Variants in ANKRD30B observed in about 807,000 individuals in gnomAD.
ANKRD30B encodes ankyrin repeat domain 30B, also known as ankyrin repeat domain-containing protein 30B.
In ANKRD30B, 144 loss-of-function variants were observed where a neutral mutation model predicts 202.2. The ratio of observed to expected loss-of-function variants is 0.71; its 90% CI spans 0.62 to 0.82. The LOEUF is 0.82. Among genes scored for constraint, ANKRD30B ranks in the 40% least tolerant of loss-of-function variants. ANKRD30B has a pLI of 0.00. For synonymous variants in ANKRD30B, 508 were observed against 561.3 expected (o/e 0.91, Z 1.34); for missense variants, 1,487 against 1,669.1 (o/e 0.89, Z 1.90).
intron 24 of ANKRD30B, among the ~76,000 whole-genome samples, chr18:14,806,036 C>T (rs1439516875): frequency 2.0e-5 from 3 of 149,948 alleles, no homozygotes; most frequent in African/African-American, 5.0e-5. Flanking sequence ...CTGGCTAACA[C>T]GGTGAAACCC....
the ANKRD30B span, among the ~76,000 whole-genome samples, chr18:14,936,329 G>A: frequency 6.6e-6 from 1 of 152,100 alleles, no homozygotes; most frequent in Non-Finnish European, 1.5e-5. Flanking sequence ...GCTGCCAAAG[G>A]TACATCTAAC....
intron 30 of ANKRD30B, among the ~76,000 whole-genome samples, chr18:14,820,543 A>G (rs892700125): frequency 7.2e-5 from 11 of 152,130 alleles, no homozygotes; most frequent in Non-Finnish European, 1.5e-4. Flanking sequence ...TCCCATCAAT[A>G]CCTAATTTAT....
intron 16 of ANKRD30B, among the ~76,000 whole-genome samples, chr18:14,793,096 G>C (rs1362068937): frequency 2.6e-5 from 4 of 152,128 alleles, no homozygotes; most frequent in Non-Finnish European, 4.4e-5. Context: ...TCCTCCATGA[G>C]TTGATCAAGA....
At chr18:14,911,392 A>T in the ANKRD30B span, among the ~76,000 whole-genome samples, 1 of 152,050 alleles carries the variant, frequency 6.6e-6, no homozygotes, top group Admixed American at 6.6e-5. Context: ...TCTTTTCTCC[A>T]GTGTATATGT....
intron 7 of ANKRD30B, among the ~76,000 whole-genome samples, chr18:14,768,844 G>A (rs1399132441): frequency 6.6e-6 from 1 of 152,122 alleles, no homozygotes; most frequent in Non-Finnish European, 1.5e-5. Context: ...ACAATTTTCT[G>A]TCCGTCTTAC....
chr18:14,820,306 A>T (rs1475314146), intron 30 of ANKRD30B, among the ~76,000 whole-genome samples: 4 of 152,204 alleles, frequency 2.6e-5, no homozygotes, highest in African/African-American at 9.6e-5. Flanking sequence ...TGTCGTTTGC[A>T]AAGAGGGACA....
At chr18:14,790,176 A>T (rs1968372927) in intron 15 of ANKRD30B, among the ~76,000 whole-genome samples, 1 of 152,098 alleles carries the variant, frequency 6.6e-6, no homozygotes, top group African/African-American at 2.4e-5. Context: ...TTCACTCATG[A>T]TTTGGCTCTC....
chr18:14,782,333 C>T (rs201892246), intron 11 of ANKRD30B, among the ~76,000 whole-genome samples, 194 bp from the exon 12 acceptor site: 2 of 110,132 alleles, frequency 1.8e-5, no homozygotes, highest in African/African-American at 3.3e-5. Context: ...TGCATGAAGA[C>T]AACAGATAAG....
the ANKRD30B span, among the ~76,000 whole-genome samples, chr18:14,918,041 T>C: frequency 6.6e-6 from 1 of 152,074 alleles, no homozygotes; most frequent in African/African-American, 2.4e-5. Flanking sequence ...CTGGCACCTG[T>C]AAGAAAGCCC....
intron 16 of ANKRD30B, among the ~76,000 whole-genome samples, chr18:14,793,665 C>A (rs1417654333): frequency 6.6e-6 from 1 of 152,032 alleles, no homozygotes; most frequent in Non-Finnish European, 1.5e-5. Flanking sequence ...GAGGCCGAGG[C>A]GGGCGGATCA....
rs762129679 is a variant in ANKRD30B at position 14,748,528 on chromosome 18, G to A, written c.109G>A (p.Gly37Arg). The change falls in exon 1 of 44, where the codon GGG (glycine) becomes AGG (arginine). Residue 37 changes from glycine to arginine, a missense_variant. Gly to Arg is a moderately radical substitution (Grantham distance 125). This residue lies in a region of ANKRD30B where 889 missense variants were observed against 841.4 expected (regional missense o/e 1.06). Coordinates refer to ENST00000690538, the MANE Select transcript of ANKRD30B (RefSeq NM_001367607.2). The stretch of plus-strand genomic sequence containing the variant: ...GAAGGACTACGGGACCATCTACTTC[G>A]GGGATCTAGGGAAGATCCATACAGC... ...TEKDYGTIYF[G>R]DLGKIHTAAS... 4 of 1,552,974 alleles carry A rather than the reference G, an allele frequency of 2.6e-6. No individual in the cohort carries two copies. The highest frequency in any genetic ancestry group is 1.7e-6 in the Non-Finnish European group (2 of 1,147,640).
At chr18:14,861,237 T>A in the ANKRD30B span, among the ~76,000 whole-genome samples, 1 of 152,166 alleles carries the variant, frequency 6.6e-6, no homozygotes, top group Non-Finnish European at 1.5e-5. Flanking sequence ...ACAAGGTAAC[T>A]AGCTAACACT....
chr18:14,878,117 C>T, the ANKRD30B span, among the ~76,000 whole-genome samples: 1 of 152,300 alleles, frequency 6.6e-6, no homozygotes, highest in East Asian at 1.9e-4. Flanking sequence ...GTCCTACCAG[C>T]TCATCTTGAC....
At chr18:14,869,566 G>T in the ANKRD30B span, among the ~76,000 whole-genome samples, 1 of 152,048 alleles carries the variant, frequency 6.6e-6, no homozygotes, top group Admixed American at 6.6e-5. Context: ...TTTTAATTAT[G>T]CTACATTAAT....
At position 14,791,491 on chromosome 18, in the gene ANKRD30B, G is replaced by GGT; in HGVS notation, c.1825+1_1825+2dup. The GGT allele has an allele frequency of 6.2e-7, 1 of 1,601,616 alleles. No homozygotes were observed. The highest frequency in any genetic ancestry group is 1.1e-5 in the South Asian group (1 of 89,224). On this transcript the variant is annotated frameshift_variant and splice_region_variant. Coordinates refer to ENST00000690538, the MANE Select transcript of ANKRD30B (RefSeq NM_001367607.2). LOFTEE classifies it high-confidence loss of function. ...CGATACCTTAAGTGGAAAATTAGAA[G>GGT]GTAAGAACCATTTTTTAATTAAAAA... is the stretch of plus-strand genomic sequence containing the variant.
chr18:14,757,397 A>G (rs1489831750), intron 4 of ANKRD30B, among the ~76,000 whole-genome samples: 5 of 152,248 alleles, frequency 3.3e-5, no homozygotes, highest in Admixed American at 1.3e-4. Context: ...TATCAACATC[A>G]TTAACTAAAC....
At chr18:14,914,809 G>C in the ANKRD30B span, among the ~76,000 whole-genome samples, 2 of 152,130 alleles carry the variant, frequency 1.3e-5, no homozygotes, top group African/African-American at 2.4e-5. Flanking sequence ...CGTGTTTTAG[G>C]TCTCTTGAAA....
At chr18:14,931,509 A>T in the ANKRD30B span, among the ~76,000 whole-genome samples, 2 of 152,164 alleles carry the variant, frequency 1.3e-5, no homozygotes, top group South Asian at 4.1e-4. Context: ...ATGCTGTTTC[A>T]GCAGGCATCC....
downstream of ANKRD30B, among the ~76,000 whole-genome samples, chr18:14,856,309 T>G (rs1180647560): frequency 3.2e-5 from 2 of 63,352 alleles, no homozygotes; most frequent in South Asian, 6.5e-4. Context: ...CCAGATGGGG[T>G]GGAGGTCAGG....
Sources: allele counts gnomAD v4.1 joint callset (sites outside exome capture counted in the v4.1 genomes callset), GRCh38; gene constraint gnomAD v4.1.1; regional missense constraint gnomAD v4.1.1; transcripts MANE v1.5; gene names NCBI Gene and HGNC (gene_info 2026-07-23, HGNC 2026-07-21).